The following SLC28A1 variants were observed in gnomAD, a reference collection of about 807,000 sequenced individuals.
The protein encoded by SLC28A1 is solute carrier family 28 member 1.
A neutral mutation model predicts 74.8 loss-of-function variants in SLC28A1; 64 were observed. The ratio of observed to expected loss-of-function variants is 0.86; its 90% CI spans 0.70 to 1.05. The LOEUF is 1.05. SLC28A1 is among the 50% of genes least tolerant of loss of function. SLC28A1 has a pLI of 0.00. For synonymous variants in SLC28A1, 359 were observed against 335.0 expected (o/e 1.07, Z -0.78); for missense variants, 828 against 822.8 (o/e 1.01, Z -0.08).
the SLC28A1 span, among the ~76,000 whole-genome samples, chr15:84,972,362 AC>A: frequency 1.3e-5 from 2 of 152,214 alleles, no homozygotes; most frequent in Non-Finnish European, 2.9e-5. Flanking sequence ...TCACCCTGTG[AC>A]CATGGGCAAG....
chr15:84,941,142 T>G (rs529689891), intron 15 of SLC28A1: 1 of 152,502 alleles, frequency 6.6e-6, no homozygotes, highest in South Asian at 2.1e-4. Context: ...TGTTTAGTTA[T>G]TTTTCCTCAG....
At chr15:84,930,688 C>T (rs1387516172) in intron 12 of SLC28A1, among the ~76,000 whole-genome samples, 1 of 150,278 alleles carries the variant, frequency 6.7e-6, no homozygotes, top group African/African-American at 2.5e-5. Flanking sequence ...TCACTGCAAC[C>T]TCTGCCTCCT....
the SLC28A1 span, among the ~76,000 whole-genome samples, chr15:84,969,593 C>T: frequency 6.6e-6 from 1 of 152,270 alleles, no homozygotes; most frequent in East Asian, 1.9e-4. Context: ...GGGCAGACTG[C>T]AGGGTCCCAA....
In SLC28A1 at chr15:84,912,208, T is replaced by C. The variant is rs117900652; in HGVS notation, c.795+3413T>C. Among the ~76,000 whole-genome samples, 753 of 152,348 alleles carry C rather than the reference T, an allele frequency of 4.9e-3. 1 individual carries two copies. Among genetic ancestry groups the C allele is most frequent in the Middle Eastern group, 0.017 (5 of 294 alleles). ...TCTCCCCTATATCACACACATATTA[T>C]TGGGATTTGCCCTCAAGGTAGGGGT... On this transcript the variant is annotated intron_variant, in intron 9 of 18. Coordinates refer to ENST00000394573, the MANE Select transcript of SLC28A1 (RefSeq NM_004213.5).
chr15:84,901,666 T>C (rs899301161), intron 6 of SLC28A1, among the ~76,000 whole-genome samples: 2 of 152,226 alleles, frequency 1.3e-5, no homozygotes, highest in Admixed American at 6.5e-5. Context: ...GAAAGAGATA[T>C]TACCATATGC....
At chr15:84,894,563 G>A (rs1444169282) in intron 5 of SLC28A1, among the ~76,000 whole-genome samples, 1 of 152,118 alleles carries the variant, frequency 6.6e-6, no homozygotes, top group African/African-American at 2.4e-5. Context: ...ACTCCTTCAC[G>A]GAGTAGCTGA....
chr15:84,904,176 T>A lies in SLC28A1; in HGVS notation c.541T>A (p.Ser181Thr). 6.2e-7 allele frequency: 1 copy of A among 1,614,236 alleles called. No homozygotes were observed. Among genetic ancestry groups the A allele is most frequent in the Non-Finnish European group, 8.5e-7 (1 of 1,180,044 alleles). The stretch of plus-strand genomic sequence containing the variant: ...CTCCCAGCGGCCTGAGCAACTGGTG[T>A]CCTTCGCAGGAATCTGCGTGTTCGT... ...DTSQRPEQLV[S>T]FAGICVFVAL... Residue 181 changes from serine to threonine, a missense_variant, in exon 7 of 19, where the codon TCC (serine) becomes ACC (threonine). Physicochemically the swap from Ser to Thr is moderately conservative, Grantham distance 58 (BLOSUM62 1). Coordinates refer to ENST00000394573, the MANE Select transcript of SLC28A1 (RefSeq NM_004213.5).
intron 15 of SLC28A1, among the ~76,000 whole-genome samples, chr15:84,937,168 T>C (rs1456106396): frequency 1.3e-5 from 2 of 151,994 alleles, no homozygotes; most frequent in Non-Finnish European, 2.9e-5. Context: ...TATTACAACA[T>C]AAGCATCATT....
At chr15:84,886,224 A>C (rs1964585916) in intron 1 of SLC28A1, 4 of 985,416 alleles carry the variant, frequency 4.1e-6, no homozygotes, top group Non-Finnish European at 4.8e-6. Context: ...TATTTCTCAC[A>C]GCTACACTGC....
intron 11 of SLC28A1, 100 bp downstream of exon 11, chr15:84,921,169 C>A: frequency 1.1e-6 from 1 of 882,882 alleles, no homozygotes. Flanking sequence ...CAAGGAAGAG[C>A]CATTTGAACC....
At chr15:84,942,924 C>G (rs1972875647) in intron 15 of SLC28A1, among the ~76,000 whole-genome samples, 1 of 152,144 alleles carries the variant, frequency 6.6e-6, no homozygotes, top group Admixed American at 6.5e-5. Context: ...GTGGCTCACA[C>G]CTGTAATCCC....
intron 5 of SLC28A1, 67 bp downstream of exon 5, chr15:84,890,601 C>A: frequency 1.6e-6 from 2 of 1,259,988 alleles, no homozygotes; most frequent in South Asian, 1.3e-5. Flanking sequence ...TGTCTCAGGG[C>A]AGGGTCATTC....
chr15:84,940,183 C>T (rs915362419), intron 15 of SLC28A1, among the ~76,000 whole-genome samples: 2 of 152,108 alleles, frequency 1.3e-5, no homozygotes, highest in Non-Finnish European at 2.9e-5. Context: ...GCATCAGAGA[C>T]AACTAAAGAT....
intron 15 of SLC28A1, among the ~76,000 whole-genome samples, chr15:84,939,151 C>A (rs1262154712): frequency 2.0e-5 from 3 of 152,128 alleles, no homozygotes; most frequent in African/African-American, 7.2e-5. Context: ...AAGACCCTGG[C>A]TTTACAAAAA....
At chr15:84,910,145 C>G (rs781002129) in intron 9 of SLC28A1, among the ~76,000 whole-genome samples, 3 of 152,194 alleles carry the variant, frequency 2.0e-5, no homozygotes, top group Non-Finnish European at 4.4e-5. Flanking sequence ...AAGGGAGGGG[C>G]CCAGGTTCCT....
the SLC28A1 span, among the ~76,000 whole-genome samples, chr15:84,956,220 C>T: frequency 6.6e-6 from 1 of 152,132 alleles, no homozygotes; most frequent in Non-Finnish European, 1.5e-5. Flanking sequence ...AGCATTAACT[C>T]TTTCATACCA....
chr15:84,933,175 G>A lies in SLC28A1; in HGVS notation c.1114G>A (p.Val372Met). Residue 372 changes from valine (V) to methionine (M), a missense_variant, in exon 13 of 19, where the codon GTG becomes ATG. Coordinates refer to ENST00000394573, the MANE Select transcript of SLC28A1 (RefSeq NM_004213.5). ...IDATSLIAAS[V>M]MAAPCALALS... ...TGCCACCTCGTTGATTGCAGCCTCT[G>A]TGATGGCTGCCCCTTGTGCCTTGGC... The A allele has an allele frequency of 1.9e-6, 3 of 1,613,698 alleles. No individual in the cohort carries two copies. Among genetic ancestry groups the A allele is most frequent in the Non-Finnish European group, 1.7e-6 (2 of 1,179,748 alleles).
intron 6 of SLC28A1, among the ~76,000 whole-genome samples, chr15:84,898,043 C>A (rs1966192083): frequency 6.6e-6 from 1 of 152,020 alleles, no homozygotes; most frequent in South Asian, 2.1e-4. Context: ...TGTTGATGAG[C>A]ACCTAGGTTG....
At chr15:84,905,263 G>A (rs968502909) in intron 7 of SLC28A1, among the ~76,000 whole-genome samples, 3 of 152,318 alleles carry the variant, frequency 2.0e-5, no homozygotes, top group East Asian at 1.9e-4. Context: ...ACCAGGAGAC[G>A]AAGTGCCATG....
Sources: allele counts gnomAD v4.1 joint callset (sites outside exome capture counted in the v4.1 genomes callset), GRCh38; gene constraint gnomAD v4.1.1; transcripts MANE v1.5; gene names NCBI Gene and HGNC (gene_info 2026-07-23, HGNC 2026-07-21).